Variants in AGBL4 observed in about 807,000 individuals in gnomAD.
AGBL4 encodes the protein cytosolic carboxypeptidase 6.
In AGBL4, 58 loss-of-function variants were observed where a neutral mutation model predicts 66.4. That is an observed-to-expected ratio of 0.87 (90% confidence interval 0.71 to 1.09). AGBL4 has a LOEUF of 1.09. Ranked by LOEUF, AGBL4 falls within the 50% of genes least tolerant of loss-of-function variation. The pLI, the probability that AGBL4 is intolerant of heterozygous loss-of-function variation, is 0.00. For missense variants in AGBL4, 579 were observed against 631.0 expected (o/e 0.92, Z 0.88); for synonymous variants, 234 against 222.9 (o/e 1.05, Z -0.44).
rs144280103 is a variant in AGBL4 at position 48,861,188 on chromosome 1, T to C, written c.634+6003A>G. Among the ~76,000 whole-genome samples, 34 of 152,246 alleles carry C rather than the reference T, an allele frequency of 2.2e-4. No homozygotes were observed. In the East Asian group the frequency reaches 4.0e-3, roughly 18 times the overall value. On this transcript the variant is annotated intron_variant, in intron 6 of 13. Coordinates refer to ENST00000371839, the MANE Select transcript of AGBL4 (RefSeq NM_032785.4). ...AGTGAATTTATAAATGCAAGTTACT[T>C]GTGAGGAATTCAAAATCAGTGCAGT...
At chr1:49,673,360 C>T (rs1399114961) in intron 3 of AGBL4, among the ~76,000 whole-genome samples, 1 of 152,152 alleles carries the variant, frequency 6.6e-6, no homozygotes, top group African/African-American at 2.4e-5. Flanking sequence ...AGTGGAACTG[C>T]AGGATCATAA....
chr1:49,881,500 C>A (rs1647298207), intron 1 of AGBL4, among the ~76,000 whole-genome samples: 1 of 150,708 alleles, frequency 6.6e-6, no homozygotes, highest in Non-Finnish European at 1.5e-5. Flanking sequence ...TACAGTCCCA[C>A]CAACAGTGTA....
At chr1:48,769,707 C>G (rs886944523) in intron 6 of AGBL4, among the ~76,000 whole-genome samples, 5 of 152,124 alleles carry the variant, frequency 3.3e-5, no homozygotes, top group Admixed American at 6.5e-5. Context: ...TAGTTCCTAA[C>G]AGTTATCTAT....
At chr1:49,963,308 G>A (rs1288015108) in intron 1 of AGBL4, among the ~76,000 whole-genome samples, 1 of 152,104 alleles carries the variant, frequency 6.6e-6, no homozygotes, top group Admixed American at 6.6e-5. Context: ...ATGTAATAAA[G>A]TCAAGTGGCA....
chr1:48,726,029 C>G (rs780827077), intron 6 of AGBL4, among the ~76,000 whole-genome samples: 33 of 152,172 alleles, frequency 2.2e-4, no homozygotes, highest in Non-Finnish European at 4.6e-4. Context: ...GGATCATTCT[C>G]TCCACACCAG....
chr1:48,895,201 AT>A (rs1651384541), intron 5 of AGBL4, among the ~76,000 whole-genome samples: 1 of 152,194 alleles, frequency 6.6e-6, no homozygotes, highest in Non-Finnish European at 1.5e-5. Context: ...TTCCATCTTG[AT>A]TTCATTAAAT....
chr1:49,203,169 G>A (rs1465832537), intron 4 of AGBL4, among the ~76,000 whole-genome samples: 1 of 151,758 alleles, frequency 6.6e-6, no homozygotes, highest in Non-Finnish European at 1.5e-5. Flanking sequence ...TGCACTGTTG[G>A]TGGGACTGTA....
rs150287247 is a variant in AGBL4, at chr1:49,686,597, T to C, written c.282+10716A>G. On this transcript the variant is annotated intron_variant, in intron 3 of 13. Coordinates refer to ENST00000371839, the MANE Select transcript of AGBL4 (RefSeq NM_032785.4). ...TACTTTGTTTACTTGCTCCTATCTA[T>C]TGTCTTTATTCACATAATAGAAAAT... Among the ~76,000 whole-genome samples the C allele has an allele frequency of 1.1e-3, 164 of 152,352 alleles. 1 individual carries two copies. Among genetic ancestry groups the C allele is most frequent in the African/African-American group, 3.7e-3 (154 of 41,584 alleles).
chr1:48,807,009 T>C (rs901150870), intron 6 of AGBL4, among the ~76,000 whole-genome samples: 7 of 152,208 alleles, frequency 4.6e-5, no homozygotes, highest in African/African-American at 1.4e-4. Flanking sequence ...TATCCAACAA[T>C]GCTTTGGTTG....
intron 2 of AGBL4, among the ~76,000 whole-genome samples, chr1:49,806,530 G>A (rs1258817957): frequency 6.6e-6 from 1 of 152,122 alleles, no homozygotes; most frequent in Non-Finnish European, 1.5e-5. Flanking sequence ...AAAAAATGAA[G>A]CAGAACTTAA....
chr1:48,607,399 C>T (rs1308401220), intron 9 of AGBL4, among the ~76,000 whole-genome samples: 1 of 152,024 alleles, frequency 6.6e-6, no homozygotes, highest in Admixed American at 6.6e-5. Context: ...GGGCGGATCA[C>T]CTGAGTTCAG....
chr1:49,787,275 G>A (rs1424279342), intron 2 of AGBL4, among the ~76,000 whole-genome samples: 1 of 152,168 alleles, frequency 6.6e-6, no homozygotes, highest in Non-Finnish European at 1.5e-5. Flanking sequence ...GGCGGAGGCA[G>A]GTGGATCACG....
At chr1:48,800,993 C>T (rs531706970) in intron 6 of AGBL4, among the ~76,000 whole-genome samples, 3 of 150,380 alleles carry the variant, frequency 2.0e-5, no homozygotes, top group African/African-American at 4.9e-5. Flanking sequence ...TTGCTGTGGC[C>T]GCTGTGGGGC....
At chr1:49,978,466 T>C (rs1052637294) in intron 1 of AGBL4, among the ~76,000 whole-genome samples, 2 of 152,082 alleles carry the variant, frequency 1.3e-5, no homozygotes, top group African/African-American at 4.8e-5. Flanking sequence ...CAAAAAAAAT[T>C]ATTTCAGGGT....
intron 9 of AGBL4, among the ~76,000 whole-genome samples, chr1:48,622,475 ATTTTTTTTTTTTTTTT>A (rs35455455): frequency 1.4e-5 from 1 of 71,834 alleles, no homozygotes; most frequent in African/African-American, 5.2e-5. Flanking sequence ...ATTCAAATAC[ATTTTTTTTTTTTTTTT>A]TTTTTTTTTG....
chr1:49,591,008 A>G (rs1276836943), intron 3 of AGBL4, among the ~76,000 whole-genome samples: 2 of 152,160 alleles, frequency 1.3e-5, no homozygotes, highest in Admixed American at 6.5e-5. Flanking sequence ...CTGAGTAAAC[A>G]CTGCTTAGAG....
chr1:49,329,846 T>C (rs1645298132), intron 3 of AGBL4, among the ~76,000 whole-genome samples: 1 of 152,176 alleles, frequency 6.6e-6, no homozygotes. Context: ...ATTCTCTACA[T>C]TCACACTCTG....
intron 3 of AGBL4, among the ~76,000 whole-genome samples, chr1:49,472,471 A>C (rs1188472050): frequency 6.6e-6 from 1 of 152,026 alleles, no homozygotes. Flanking sequence ...CCCCTCAGAA[A>C]AATTAAGTCT....
chr1:48,601,383 A>G (rs1645070767), intron 9 of AGBL4, among the ~76,000 whole-genome samples: 2 of 152,222 alleles, frequency 1.3e-5, no homozygotes, highest in Admixed American at 1.3e-4. Flanking sequence ...TTTGAATCAC[A>G]CAATGACACT....
Sources: gnomAD v4.1 joint callset for allele counts (sites outside exome capture counted in the v4.1 genomes callset) on GRCh38, gnomAD v4.1.1 for gene constraint, MANE v1.5 for transcripts, NCBI Gene and HGNC (gene_info 2026-07-23, HGNC 2026-07-21) for gene names.